ANGPT1: variants seen among roughly 807,000 people sequenced by gnomAD.
The protein encoded by ANGPT1 is angiopoietin 1.
In ANGPT1, 17 loss-of-function variants were observed where a neutral mutation model predicts 62.2. The ratio of observed to expected loss-of-function variants is 0.27; its 90% confidence interval spans 0.19 to 0.41. The LOEUF (loss-of-function observed/expected upper bound fraction) is 0.41. Among genes scored for constraint, ANGPT1 ranks in the 10% least tolerant of loss-of-function variants. The probability of loss-of-function intolerance (pLI) is 1.00; values close to 1 mark genes in which losing one functional copy is unlikely to be tolerated. For missense variants in ANGPT1, 478 were observed against 594.9 expected (o/e 0.80, Z 2.04); for synonymous variants, 199 against 198.9 (o/e 1.00, Z 0.00).
intron 4 of ANGPT1, among the ~76,000 whole-genome samples, chr8:107,307,939 CTTA>C (rs1484555061): frequency 2.6e-5 from 4 of 152,066 alleles, no homozygotes; most frequent in Non-Finnish European, 5.9e-5. Flanking sequence ...TGCTCTTTCC[CTTA>C]TTAGTCCCAC....
intron 3 of ANGPT1, among the ~76,000 whole-genome samples, chr8:107,333,996 G>A (rs2959353): frequency 0.094 from 6,625 of 70,416 alleles, 541 homozygotes; most frequent in African/African-American, 0.22. Context: ...GAGGGAGGGA[G>A]GGAAGGAAGG....
intron 7 of ANGPT1, among the ~76,000 whole-genome samples, chr8:107,283,694 C>T (rs1586186437): frequency 6.6e-6 from 1 of 152,158 alleles, no homozygotes; most frequent in Non-Finnish European, 1.5e-5. Context: ...ATCATATTTT[C>T]AAGACAGAGG....
chr8:107,273,783 A>G (rs1813794928), intron 7 of ANGPT1, among the ~76,000 whole-genome samples: 1 of 150,596 alleles, frequency 6.6e-6, no homozygotes, highest in Admixed American at 6.6e-5. Flanking sequence ...ATTGACCACT[A>G]TTTTTTTTTA....
chr8:107,261,304 G>A (rs1236389068), intron 8 of ANGPT1, among the ~76,000 whole-genome samples: 3 of 152,010 alleles, frequency 2.0e-5, no homozygotes, highest in African/African-American at 7.3e-5. Context: ...GTAGCAACTA[G>A]TTTTGGGGGT....
chr8:107,397,678 G>T lies in ANGPT1; in HGVS notation c.298-50581C>A, dbSNP rs563363218. Among the ~76,000 whole-genome samples the T allele has an allele frequency of 5.9e-5, 9 of 152,202 alleles. No individual in the cohort carries two copies. The South Asian group carries it at 1.9e-3, about 32-fold the overall frequency. ...GGGAAGGTGGTCAAAAGAACCATTT[G>T]GGTCTCAGAACCAGCAAGTCAACTC... is the stretch of plus-strand genomic sequence containing the variant. On this transcript the variant is annotated intron_variant, in intron 1 of 8. Coordinates refer to ENST00000517746, the MANE Select transcript of ANGPT1 (RefSeq NM_001146.5).
rs544840492 is a variant in ANGPT1 at position 107,281,526 on chromosome 8, C to T, written c.1205+3156G>A. The stretch of plus-strand genomic sequence containing the variant: ...CAGAGCAGTGGCTCACTCCTGTAAT[C>T]CCAGCACTTTGGGAGGCTGAGGCGT... On this transcript the variant is annotated intron_variant, in intron 7 of 8. Transcript: ENST00000517746. Among the ~76,000 whole-genome samples, 484 of 152,242 alleles carry T rather than the reference C, an allele frequency of 3.2e-3. 4 individuals are homozygous for T. The highest frequency in any genetic ancestry group is 5.2e-3 in the Non-Finnish European group (353 of 68,002).
At chr8:107,406,541 A>G (rs1041492469) in intron 1 of ANGPT1, among the ~76,000 whole-genome samples, 1 of 152,054 alleles carries the variant, frequency 6.6e-6, no homozygotes. Flanking sequence ...CCCAGAATCA[A>G]ACTACATCAA....
chr8:107,299,248 T>C (rs1022892919), intron 5 of ANGPT1, among the ~76,000 whole-genome samples: 5 of 151,152 alleles, frequency 3.3e-5, no homozygotes, highest in African/African-American at 1.2e-4. Context: ...ATTAAAAGGG[T>C]GTATCCTAGA....
intron 1 of ANGPT1, among the ~76,000 whole-genome samples, chr8:107,485,316 C>T (rs540344098): frequency 3.9e-5 from 6 of 152,276 alleles, no homozygotes; most frequent in Non-Finnish European, 7.3e-5. Context: ...TGGTTTACCT[C>T]GCCATGCAAA....
chr8:107,440,717 G>A (rs1811453166), intron 1 of ANGPT1, among the ~76,000 whole-genome samples: 1 of 152,154 alleles, frequency 6.6e-6, no homozygotes, highest in Non-Finnish European at 1.5e-5. Context: ...AAAACAACAG[G>A]CTGATGGTGT....
chr8:107,284,649 G>T (rs762214507), intron 7 of ANGPT1, 33 bp downstream of exon 7: 2 of 1,409,716 alleles, frequency 1.4e-6, no homozygotes, highest in African/African-American at 1.4e-5. Context: ...CTAGGTAAAA[G>T]GTAGTCGAAC....
At chr8:107,257,071 G>A (rs1296590023) in intron 8 of ANGPT1, among the ~76,000 whole-genome samples, 3 of 152,120 alleles carry the variant, frequency 2.0e-5, no homozygotes, top group African/African-American at 7.2e-5. Flanking sequence ...TGTTGGCCAG[G>A]CTGGTCTCGA....
chr8:107,420,929 T>G (rs1397224825), intron 1 of ANGPT1, among the ~76,000 whole-genome samples: 2 of 152,132 alleles, frequency 1.3e-5, no homozygotes, highest in Admixed American at 1.3e-4. Flanking sequence ...ATTTATTCAC[T>G]AATACTCCTG....
At chr8:107,396,685 T>C (rs976493217) in intron 1 of ANGPT1, among the ~76,000 whole-genome samples, 3 of 151,944 alleles carry the variant, frequency 2.0e-5, no homozygotes, top group African/African-American at 2.4e-5. Flanking sequence ...CATGCCTGGC[T>C]AATTTTTCTG....
chr8:107,335,598 T>C (rs542073968), intron 3 of ANGPT1, among the ~76,000 whole-genome samples: 5 of 152,320 alleles, frequency 3.3e-5, no homozygotes, highest in Non-Finnish European at 7.4e-5. Context: ...CAAAGAAATT[T>C]ACTATGTCCA....
chr8:107,485,589 C>T (rs1013480015), intron 1 of ANGPT1, among the ~76,000 whole-genome samples: 1 of 152,096 alleles, frequency 6.6e-6, no homozygotes, highest in African/African-American at 2.4e-5. Context: ...CCCAAAATAC[C>T]AGGAATATTT....
intron 1 of ANGPT1, among the ~76,000 whole-genome samples, chr8:107,397,877 C>T (rs1241328523): frequency 6.6e-6 from 1 of 152,122 alleles, no homozygotes; most frequent in Non-Finnish European, 1.5e-5. Context: ...AGCAAAACCT[C>T]ATCAAATGCC....
intron 2 of ANGPT1, among the ~76,000 whole-genome samples, chr8:107,345,701 T>A (rs1250599168): frequency 1.3e-5 from 2 of 152,090 alleles, no homozygotes; most frequent in Non-Finnish European, 2.9e-5. Context: ...AAGAAACCAA[T>A]GTGCATATAT....
chr8:107,307,324 C>G (rs889579359), intron 4 of ANGPT1, among the ~76,000 whole-genome samples: 5 of 152,060 alleles, frequency 3.3e-5, no homozygotes, highest in African/African-American at 1.2e-4. Flanking sequence ...ATCCCAACCC[C>G]CAGATGGGCA....
Sources: allele counts gnomAD v4.1 joint callset (sites outside exome capture counted in the v4.1 genomes callset), GRCh38; gene constraint gnomAD v4.1.1; transcripts MANE v1.5; gene names NCBI Gene and HGNC (gene_info 2026-07-23, HGNC 2026-07-21).